Variants in NCAPH2 observed in about 807,000 individuals in gnomAD.
NCAPH2 encodes the protein condensin-2 complex subunit H2.
A neutral mutation model predicts 88.6 loss-of-function variants in NCAPH2; 56 were observed. The ratio of observed to expected loss-of-function variants is 0.63; its 90% CI spans 0.51 to 0.79. NCAPH2 has a LOEUF of 0.79. Ranked by LOEUF, NCAPH2 falls within the 30% of genes least tolerant of loss-of-function variation. The pLI is 0.00. For synonymous variants in NCAPH2, 378 were observed against 313.6 expected (o/e 1.21, Z -2.17); for missense variants, 794 against 792.0 (o/e 1.00, Z -0.03).
chr22:50,522,214 A>C lies in NCAPH2; in HGVS notation c.1196A>C (p.Glu399Ala). 6.2e-7 allele frequency: 1 copy of C among 1,613,812 alleles called. No homozygotes were observed. The highest frequency in any genetic ancestry group is 8.5e-7 in the Non-Finnish European group (1 of 1,179,960). Reference protein sequence around the residue: ...MEVLYWTHVKEQLETLRKLQR... With the variant: ...MEVLYWTHVKAQLETLRKLQR... Reference sequence around the variant, plus strand: ...GTCCTGTACTGGACACACGTGAAGGAGCAGTTGGAAACTCTCCGGAAGCTG... The same window carrying C: ...GTCCTGTACTGGACACACGTGAAGGCGCAGTTGGAAACTCTCCGGAAGCTG... Residue 399 changes from glutamate (E) to alanine (A), a missense_variant, in exon 14 of 20, where the codon GAG becomes GCG. Transcript: ENST00000420993.
chr22:50,510,009 C>T (rs1447998401), intron 1 of NCAPH2, among the ~76,000 whole-genome samples: 1 of 152,174 alleles, frequency 6.6e-6, no homozygotes, highest in East Asian at 1.9e-4. Flanking sequence ...ACTGCAAGCT[C>T]CGCCTCCTGG....
Position 50,522,523 on chromosome 22 carries a change from G to A in NCAPH2, c.1329G>A (p.Glu443=), listed in dbSNP as rs909328897. The A allele has an allele frequency of 5.6e-6, 9 of 1,613,808 alleles. No individual in the cohort carries two copies. The highest frequency in any genetic ancestry group is 7.6e-6 in the Non-Finnish European group (9 of 1,179,982). The stretch of plus-strand genomic sequence containing the variant: ...CAGATGACTTTCTAGAGCCTGAGGA[G>A]TACATGGAGCCCGAGGGAGCAGACC... ...GAADDFLEPE[E]YMEPEGADPR... Residue 443 remains glutamate (E), a synonymous_variant, in exon 16 of 20, where the codon GAG becomes GAA. Transcript: ENST00000420993.
At chr22:50,508,984 C>G (rs551815577) in intron 1 of NCAPH2, among the ~76,000 whole-genome samples, 20 of 152,332 alleles carry the variant, frequency 1.3e-4, no homozygotes, top group African/African-American at 4.8e-4. Flanking sequence ...GTCTGGCGTC[C>G]ACGACACTTA....
At chr22:50,520,838 C>T (rs991859311) in intron 9 of NCAPH2, 127 bp from the exon 10 acceptor site, 63 of 1,054,004 alleles carry the variant, frequency 6.0e-5, no homozygotes, top group Middle Eastern at 2.1e-4. Context: ...GCTGGGATTA[C>T]AGGCATGAGC....
intron 1 of NCAPH2, among the ~76,000 whole-genome samples, chr22:50,509,938 TTATA>T (rs2068739790): frequency 6.6e-6 from 1 of 152,168 alleles, no homozygotes; most frequent in Non-Finnish European, 1.5e-5. Flanking sequence ...ATTTATTTAT[TTATA>T]TATTTTGAGA....
In NCAPH2 at chr22:50,523,760, G is replaced by C. The variant is rs1462114828; in HGVS notation, c.*385G>C. The C allele has an allele frequency of 1.9e-6, 3 of 1,614,182 alleles. No homozygotes were observed. The highest frequency in any genetic ancestry group is 2.5e-6 in the Non-Finnish European group (3 of 1,180,022). ...ATGGAGTGGTCCACGATGTAGTCCTGGTCCTCATCCTTGGGGCCTGCATTG... is the reference window on the plus strand; with the variant it reads ...ATGGAGTGGTCCACGATGTAGTCCTCGTCCTCATCCTTGGGGCCTGCATTG... On this transcript the variant is annotated 3_prime_UTR_variant, in exon 20 of 20. Coordinates refer to ENST00000420993, the MANE Select transcript of NCAPH2 (RefSeq NM_152299.4).
In NCAPH2 at chr22:50,522,530, G is replaced by A; in HGVS notation, c.1336G>A (p.Glu446Lys). 2 of 1,613,704 alleles carry A rather than the reference G, an allele frequency of 1.2e-6. No individual in the cohort carries two copies. Among genetic ancestry groups the A allele is most frequent in the Non-Finnish European group, 1.7e-6 (2 of 1,179,950 alleles). ...CTTTCTAGAGCCTGAGGAGTACATG[G>A]AGCCCGAGGGAGCAGACCCCAGGGA... Reference protein sequence around the residue: ...DDFLEPEEYMEPEGADPREAA... With the variant: ...DDFLEPEEYMKPEGADPREAA... Residue 446 changes from glutamate to lysine, a missense_variant, in exon 16 of 20, where the codon GAG (glutamate) becomes AAG (lysine). Physicochemically the swap from Glu to Lys is moderately conservative, Grantham distance 56. Around this residue, in one of 2 missense-constraint regions of NCAPH2, gnomAD observed 735 missense variants for 696.3 expected, o/e 1.06. Transcript: ENST00000420993.
intron 1 of NCAPH2, among the ~76,000 whole-genome samples, chr22:50,512,918 A>G (rs115920265): frequency 0.042 from 6,382 of 152,192 alleles, 203 homozygotes; most frequent in Middle Eastern, 0.13. Context: ...TTAGTTGTGA[A>G]TTGTGTGCCA....
At position 50,523,370 on chromosome 22, in the gene NCAPH2, C is replaced by A; in HGVS notation, c.1813C>A (p.Pro605Thr). The A allele has an allele frequency of 6.5e-7, 1 of 1,546,040 alleles. No homozygotes were observed. Among genetic ancestry groups the A allele is most frequent in the Non-Finnish European group, 8.7e-7 (1 of 1,144,814 alleles). Residue 605 changes from proline to threonine, a missense_variant, in exon 20 of 20, where the codon CCC (proline) becomes ACC (threonine). Pro to Thr is a conservative substitution (Grantham distance 38). Coordinates refer to ENST00000420993, the MANE Select transcript of NCAPH2 (RefSeq NM_152299.4). ...QTYAAPSMAQ[P>T] ...CTACGCTGCCCCCTCCATGGCCCAG[C>A]CCTGAGTGGGGAGCACCGAGGCAGG...
At chr22:50,519,788 A>G (rs566024430) in intron 9 of NCAPH2, 6 of 969,306 alleles carry the variant, frequency 6.2e-6, no homozygotes, top group East Asian at 1.1e-4. Flanking sequence ...TCTTCACTCT[A>G]GTTGGTAGAT....
At chr22:50,510,088 A>AT (rs1049593157) in intron 1 of NCAPH2, among the ~76,000 whole-genome samples, 1 of 151,824 alleles carries the variant, frequency 6.6e-6, no homozygotes, top group African/African-American at 2.4e-5. Flanking sequence ...CGCCCAACTA[A>AT]TTTTTTTGTA....
intron 1 of NCAPH2, chr22:50,515,754 C>G: frequency 1.5e-6 from 2 of 1,300,578 alleles, no homozygotes; most frequent in Middle Eastern, 2.1e-4. Context: ...GGAGATGAGC[C>G]AGCGTTGGGG....
intron 10 of NCAPH2, 94 bp from the exon 11 acceptor site, chr22:50,521,449 C>A: frequency 7.5e-7 from 1 of 1,332,648 alleles, no homozygotes; most frequent in Non-Finnish European, 1.1e-6. Flanking sequence ...CCCTACTCTT[C>A]CTTTGGGAGG....
rs1159940887 is a variant in NCAPH2, at chr22:50,517,613, G to A, written c.303G>A (p.Arg101=). 1 of 1,614,112 alleles carries A rather than the reference G, an allele frequency of 6.2e-7. No homozygotes were observed. The highest frequency in any genetic ancestry group is 2.2e-5 in the East Asian group (1 of 44,884). ...AKQLSSVQED[R]ANGVASSGVP... ...AGCTCTCTTCGGTGCAGGAGGACAG[G>A]GCCAATGGGGTTGCCAGCTCCGGGG... The change falls in exon 4 of 20, where the codon AGG becomes AGA. Residue 101 remains arginine (R), a synonymous_variant. Transcript: ENST00000420993.
At chr22:50,515,029 A>G (rs914470112) in intron 1 of NCAPH2, among the ~76,000 whole-genome samples, 2 of 152,214 alleles carry the variant, frequency 1.3e-5, no homozygotes, top group Non-Finnish European at 2.9e-5. Context: ...TTATCTATGC[A>G]TGTGTTCATC....
In NCAPH2 at chr22:50,521,588, G is replaced by A; in HGVS notation, c.979G>A (p.Glu327Lys). ...WQSLDPFDSL[E>K]SKPFKKGRPY... ...GAGCCTGGACCCCTTTGACTCCTTG[G>A]AGTCTAAGCCCTTCAAGAAAGGTAA... The change falls in exon 11 of 20, where the codon GAG (glutamate) becomes AAG (lysine). Residue 327 changes from glutamate to lysine, a missense_variant. This residue lies in a region of NCAPH2 where 735 missense variants were observed against 696.3 expected (regional missense o/e 1.06). Coordinates refer to ENST00000420993, the MANE Select transcript of NCAPH2 (RefSeq NM_152299.4). The A allele has an allele frequency of 1.2e-6, 2 of 1,613,648 alleles. No homozygotes were observed. Among genetic ancestry groups the A allele is most frequent in the Non-Finnish European group, 1.7e-6 (2 of 1,179,984 alleles).
At chr22:50,511,990 G>A (rs959157168) in intron 1 of NCAPH2, among the ~76,000 whole-genome samples, 2 of 152,152 alleles carry the variant, frequency 1.3e-5, no homozygotes, top group Admixed American at 6.5e-5. Context: ...GTTTCACCAT[G>A]TTGGCCAGGC....
In NCAPH2 at chr22:50,522,560, G is replaced by A. The variant is rs145541275; in HGVS notation, c.1366G>A (p.Ala456Thr). Residue 456 changes from alanine to threonine, a missense_variant, in exon 16 of 20, where the codon GCT becomes ACT. Ala to Thr is a moderately conservative substitution (Grantham distance 58). Transcript: ENST00000420993. ...EPEGADPREA[A>T]DLDAVPMSLS... is the part of the protein sequence containing the mutation. ...CGAGGGAGCAGACCCCAGGGAAGCC[G>A]CTGACCTTGGTAGGTGGGCAGCGGG... 43 of 1,613,748 alleles carry A rather than the reference G, an allele frequency of 2.7e-5. No homozygotes were observed. The East Asian group carries it at 5.6e-4, about 21-fold the overall frequency.
At chr22:50,510,217 G>A (rs1165905526) in intron 1 of NCAPH2, among the ~76,000 whole-genome samples, 1 of 151,778 alleles carries the variant, frequency 6.6e-6, no homozygotes, top group Non-Finnish European at 1.5e-5. Flanking sequence ...CACCGCGCCC[G>A]GCCTCTTTTT....
Sources: gnomAD v4.1 joint callset for allele counts (sites outside exome capture counted in the v4.1 genomes callset) on GRCh38, gnomAD v4.1.1 for gene constraint, gnomAD v4.1.1 regional missense constraint, MANE v1.5 for transcripts, NCBI Gene and HGNC (gene_info 2026-07-23, HGNC 2026-07-21) for gene names.